DLG2: variants seen among roughly 807,000 people sequenced by gnomAD.
DLG2 encodes disks large homolog 2.
A neutral mutation model predicts 132.5 loss-of-function variants in DLG2; 45 were observed. The ratio of observed to expected loss-of-function variants is 0.34; its 90% CI spans 0.27 to 0.44. The LOEUF is 0.44. Among genes scored for constraint, DLG2 ranks in the 20% least tolerant of loss-of-function variants. The pLI is 1.00. For synonymous variants in DLG2, 424 were observed against 419.6 expected (o/e 1.01, Z -0.13); for missense variants, 1,045 against 1,196.9 (o/e 0.87, Z 1.87).
rs563248268 is a variant in DLG2, at chr11:85,399,282, G to A, written c.41-113917C>T. ...ACCACTGCTCAATGAAATAAAAGAGGACACAAACAAACGAAAGAACATTCC... is the reference window on the plus strand; with the variant it reads ...ACCACTGCTCAATGAAATAAAAGAGAACACAAACAAACGAAAGAACATTCC... On this transcript the variant is annotated intron_variant, in intron 3 of 27. Coordinates refer to ENST00000376104, the MANE Select transcript of DLG2 (RefSeq NM_001142699.3). Among the ~76,000 whole-genome samples, 22 of 152,198 alleles carry A rather than the reference G, an allele frequency of 1.4e-4. No individual in the cohort carries two copies. The South Asian group carries it at 4.6e-3, about 32-fold the overall frequency.
At chr11:84,614,531 G>A (rs1268307770) in intron 6 of DLG2, among the ~76,000 whole-genome samples, 2 of 152,162 alleles carry the variant, frequency 1.3e-5, no homozygotes, top group African/African-American at 2.4e-5. Context: ...ACATAATAGA[G>A]AAAGCAGATT....
chr11:83,505,010 T>A (rs2094620988), intron 21 of DLG2, among the ~76,000 whole-genome samples: 1 of 152,128 alleles, frequency 6.6e-6, no homozygotes, highest in Non-Finnish European at 1.5e-5. Flanking sequence ...AGTGCCTTGG[T>A]CAGAGGCAAT....
chr11:85,289,906 T>G (rs2078788228), intron 3 of DLG2, among the ~76,000 whole-genome samples: 1 of 152,166 alleles, frequency 6.6e-6, no homozygotes, highest in Admixed American at 6.6e-5. Context: ...TATTTCTCTT[T>G]CAGCCTTATA....
intron 5 of DLG2, among the ~76,000 whole-genome samples, chr11:85,120,289 C>G (rs937387936): frequency 6.6e-6 from 1 of 152,038 alleles, no homozygotes; most frequent in Admixed American, 6.6e-5. Context: ...TGGCCAACAT[C>G]AAGCAATAGC....
rs527949325 is a variant in DLG2 at position 83,562,966 on chromosome 11, C to CT, written c.1941-21109dup. Among the ~76,000 whole-genome samples, 707 of 81,358 alleles carry CT rather than the reference C, an allele frequency of 8.7e-3. 25 individuals carry two copies. The highest frequency in any genetic ancestry group is 0.019 in the African/African-American group (370 of 19,332). 53.4% of individuals were successfully genotyped at this position (81,358 alleles called of 152,430 possible). A position where few individuals can be genotyped will look rare whatever the true frequency, so the allele number is the denominator to read the frequency against. On this transcript the variant is annotated intron_variant, in intron 19 of 27. Transcript: ENST00000376104. ...TGTTTCTGTTTTTGTTTCCCTAATT[C>CT]TTTTTTTTTTTTTTTTTTTTTTTTT...
chr11:85,587,171 C>G (rs1030769558), intron 3 of DLG2, among the ~76,000 whole-genome samples: 1 of 152,054 alleles, frequency 6.6e-6, no homozygotes, highest in Non-Finnish European at 1.5e-5. Context: ...AATGTATATT[C>G]TGCGGTTTTG....
chr11:84,538,089 T>C (rs2099359772), intron 6 of DLG2, among the ~76,000 whole-genome samples: 1 of 152,236 alleles, frequency 6.6e-6, no homozygotes, highest in Admixed American at 6.5e-5. Flanking sequence ...TACTGAGTTA[T>C]ACTTGTGCAC....
At chr11:85,620,401 G>A (rs1275169883) in intron 2 of DLG2, among the ~76,000 whole-genome samples, 1 of 152,152 alleles carries the variant, frequency 6.6e-6, no homozygotes, top group East Asian at 1.9e-4. Flanking sequence ...GTGTTCAAGT[G>A]AAAGGAAACG....
At chr11:84,712,793 C>A (rs1184758989) in intron 6 of DLG2, among the ~76,000 whole-genome samples, 1 of 152,116 alleles carries the variant, frequency 6.6e-6, no homozygotes, top group African/African-American at 2.4e-5. Flanking sequence ...CAACTTCTTG[C>A]AGATAAAACT....
At chr11:83,824,900 C>T (rs1204751981) in intron 17 of DLG2, among the ~76,000 whole-genome samples, 1 of 151,828 alleles carries the variant, frequency 6.6e-6, no homozygotes, top group Admixed American at 6.6e-5. Flanking sequence ...TTCACTGCAC[C>T]TTGCTAAGTT....
chr11:85,206,855 CTTTTT>C (rs200634111), intron 4 of DLG2, among the ~76,000 whole-genome samples: 1 of 151,320 alleles, frequency 6.6e-6, no homozygotes, highest in African/African-American at 2.4e-5. Flanking sequence ...AAGCGCATAT[CTTTTT>C]TTTTAATTTC....
intron 7 of DLG2, among the ~76,000 whole-genome samples, chr11:84,373,268 A>AAAAAAAAAAAAAAAAAAAAAAAAAAAAAC (rs1567449347): frequency 9.6e-5 from 13 of 135,762 alleles, no homozygotes; most frequent in Non-Finnish European, 1.7e-4. Context: ...AAAAAAACAA[A>AAAAAAAAAAAAAAAAAAAAAAAAAAAAAC]ACAAAAAAAA....
At chr11:85,381,848 AT>A (rs2085918876) in intron 3 of DLG2, among the ~76,000 whole-genome samples, 1 of 152,174 alleles carries the variant, frequency 6.6e-6, no homozygotes, top group African/African-American at 2.4e-5. Flanking sequence ...AAGTAAAGAT[AT>A]AGATAAACAG....
At chr11:83,531,750 T>C (rs552689385) in intron 21 of DLG2, among the ~76,000 whole-genome samples, 1 of 152,046 alleles carries the variant, frequency 6.6e-6, no homozygotes, top group African/African-American at 2.4e-5. Flanking sequence ...AATTGAAATG[T>C]CCATCAACTG....
intron 6 of DLG2, among the ~76,000 whole-genome samples, chr11:84,654,079 T>C (rs977844236): frequency 6.6e-6 from 1 of 152,174 alleles, no homozygotes; most frequent in Admixed American, 6.5e-5. Context: ...TATTACATTA[T>C]ATAGTACTCA....
chr11:84,867,217 T>C (rs1032439392), intron 6 of DLG2, among the ~76,000 whole-genome samples: 2 of 152,002 alleles, frequency 1.3e-5, no homozygotes, highest in African/African-American at 2.4e-5. Context: ...CTTCCACAGG[T>C]TTTAGTTTTA....
chr11:83,727,611 C>T (rs193221367), intron 18 of DLG2, among the ~76,000 whole-genome samples: 9 of 152,290 alleles, frequency 5.9e-5, no homozygotes. Flanking sequence ...CCAAAGCTCC[C>T]TGCTTCCTAT....
At chr11:83,732,003 T>G (rs572173145) in intron 18 of DLG2, among the ~76,000 whole-genome samples, 2 of 152,340 alleles carry the variant, frequency 1.3e-5, no homozygotes, top group Admixed American at 1.3e-4. Context: ...ACTAGTGCTT[T>G]GTTACTATTT....
chr11:85,360,423 A>G (rs193070643), intron 3 of DLG2, among the ~76,000 whole-genome samples: 6 of 152,308 alleles, frequency 3.9e-5, no homozygotes, highest in East Asian at 1.9e-4. Context: ...GCCTAGCACA[A>G]TGTTCTGTAA....
Sources: gnomAD v4.1 joint callset for allele counts (sites outside exome capture counted in the v4.1 genomes callset) on GRCh38, gnomAD v4.1.1 for gene constraint, MANE v1.5 for transcripts, NCBI Gene and HGNC (gene_info 2026-07-23, HGNC 2026-07-21) for gene names.